The following DNM3 variants were observed in gnomAD, a reference collection of about 807,000 sequenced individuals.
The protein encoded by DNM3 is dynamin-3.
DNM3 carries 47 observed loss-of-function variants against 101.6 expected under a neutral mutation model. The ratio of observed to expected loss-of-function variants is 0.46; its 90% CI spans 0.37 to 0.59. DNM3 has a LOEUF of 0.59. Ranked by LOEUF, DNM3 falls within the 20% of genes least tolerant of loss-of-function variation. The probability of loss-of-function intolerance (pLI) is 0.00; values close to 1 mark genes in which losing one functional copy is unlikely to be tolerated. For synonymous variants in DNM3, 385 were observed against 387.9 expected (o/e 0.99, Z 0.09); for missense variants, 849 against 1,085.7 (o/e 0.78, Z 3.06).
chr1:172,163,386 A>G (rs12561946), intron 14 of DNM3, among the ~76,000 whole-genome samples: 86,260 of 151,498 alleles, frequency 0.57, 24,863 homozygotes, highest in African/African-American at 0.66. Context: ...CTACAGGTGC[A>G]TGCCACCATG....
At chr1:172,417,633 C>A (rs1484549606), downstream of DNM3, among the ~76,000 whole-genome samples, 1 of 152,212 alleles carries the variant, frequency 6.6e-6, no homozygotes, top group East Asian at 1.9e-4. Flanking sequence ...CAGACCTTGC[C>A]TCCTAGTTTC....
chr1:172,139,156 AAAG>A, intron 14 of DNM3: 4 of 315,766 alleles, frequency 1.3e-5, no homozygotes, highest in South Asian at 9.9e-5. Flanking sequence ...TTAAGGAAAA[AAAG>A]AGATTAAACA....
chr1:172,239,091 G>A lies in DNM3; in HGVS notation c.1660-14482G>A, dbSNP rs200202617. Among the ~76,000 whole-genome samples, 27 of 152,198 alleles carry A rather than the reference G, an allele frequency of 1.8e-4. No homozygotes were observed. In the East Asian group the frequency reaches 5.0e-3, roughly 28 times the overall value. On this transcript the variant is annotated intron_variant, in intron 14 of 20. Coordinates refer to ENST00000627582, the MANE Select transcript of DNM3 (RefSeq NM_015569.5). ...GTCACATCTTCCCTCTCTCTATATG[G>A]CTATGGACGCAGTCCCAGAATTCTG...
At chr1:172,243,200 T>G (rs1163773195) in intron 14 of DNM3, among the ~76,000 whole-genome samples, 1 of 152,086 alleles carries the variant, frequency 6.6e-6, no homozygotes, top group Non-Finnish European at 1.5e-5. Flanking sequence ...TTTCTCTAAA[T>G]TTAAGAATAT....
At chr1:171,957,282 C>T (rs1278602436) in intron 2 of DNM3, among the ~76,000 whole-genome samples, 1 of 150,896 alleles carries the variant, frequency 6.6e-6, no homozygotes, top group Non-Finnish European at 1.5e-5. Flanking sequence ...ACTGCAAGCT[C>T]CACCTCCCAG....
In DNM3 at chr1:171,945,066, C is replaced by T. The variant is rs73033716; in HGVS notation, c.235+23245C>T. On this transcript the variant is annotated intron_variant, in intron 2 of 20. Coordinates refer to ENST00000627582, the MANE Select transcript of DNM3 (RefSeq NM_015569.5). ...AAAATTATTATTTGTGAAGGGACCT[C>T]GCTGTGTTGCCCAGGCTGGTCTAGA... Among the ~76,000 whole-genome samples the T allele has an allele frequency of 8.0e-3, 1,216 of 151,506 alleles. 23 individuals carry two copies. The highest frequency in any genetic ancestry group is 0.028 in the African/African-American group (1,147 of 41,300).
At chr1:172,359,915 C>T (rs1409597157) in intron 17 of DNM3, among the ~76,000 whole-genome samples, 1 of 151,984 alleles carries the variant, frequency 6.6e-6, no homozygotes, top group Non-Finnish European at 1.5e-5. Context: ...GACTGGATTC[C>T]TGTTGCACAT....
chr1:172,064,941 T>C (rs1050325747), intron 10 of DNM3, among the ~76,000 whole-genome samples: 4 of 152,224 alleles, frequency 2.6e-5, no homozygotes, highest in Non-Finnish European at 5.9e-5. Context: ...TTGTCTCAAT[T>C]GTAGGTACAA....
At chr1:172,190,663 G>C (rs971655559) in intron 14 of DNM3, among the ~76,000 whole-genome samples, 7 of 151,950 alleles carry the variant, frequency 4.6e-5, no homozygotes, top group Non-Finnish European at 7.4e-5. Flanking sequence ...TTCTCCACAT[G>C]CTCTCCAGCA....
At chr1:172,096,528 T>G (rs12569310) in intron 13 of DNM3, among the ~76,000 whole-genome samples, 2,859 of 152,278 alleles carry the variant, frequency 0.019, 79 homozygotes, top group East Asian at 0.13. Context: ...ATAAATTGGA[T>G]GTCGGAGAGA....
chr1:171,940,313 GT>G (rs750752195), intron 2 of DNM3, among the ~76,000 whole-genome samples: 34 of 152,018 alleles, frequency 2.2e-4, no homozygotes, highest in Non-Finnish European at 4.3e-4. Context: ...TTATCTTTAA[GT>G]TTTTGCATTC....
chr1:172,063,908 A>G (rs2051448739), intron 10 of DNM3, among the ~76,000 whole-genome samples: 1 of 152,178 alleles, frequency 6.6e-6, no homozygotes, highest in Non-Finnish European at 1.5e-5. Flanking sequence ...AAATCCTCAG[A>G]GGACCTCTCA....
intron 1 of DNM3, among the ~76,000 whole-genome samples, chr1:171,851,606 G>A (rs2032976844): frequency 6.6e-6 from 1 of 152,282 alleles, no homozygotes. Context: ...TAGAGACGGG[G>A]TTTCGCTATG....
intron 17 of DNM3, among the ~76,000 whole-genome samples, chr1:172,347,200 C>CT (rs955469462): frequency 6.8e-6 from 1 of 147,538 alleles, no homozygotes. Context: ...AGAAGCCCCC[C>CT]CCGCCAAAAA....
In DNM3 at chr1:172,071,086, CATATATATAT is replaced by C. The variant is rs56255511; in HGVS notation, c.1422+2206_1422+2215del. Reference sequence around the variant, plus strand: ...GCCTGGGTGACAGAGCAAGACCCTGCATATATATATATATATATATATATATATATATATC... The same window carrying C: ...GCCTGGGTGACAGAGCAAGACCCTGCATATATATATATATATATATATATC... On this transcript the variant is annotated intron_variant, in intron 11 of 20. Transcript: ENST00000627582. Among the ~76,000 whole-genome samples the C allele has an allele frequency of 6.3e-4, 41 of 65,082 alleles. 1 individual carries two copies. The highest frequency in any genetic ancestry group is 2.2e-3 in the African/African-American group (29 of 13,026). The allele number at this position is 65,082 out of a possible 152,430, so 42.7% of individuals were successfully genotyped here. A position where few individuals can be genotyped will look rare whatever the true frequency, so the allele number is the denominator to read the frequency against.
chr1:171,974,667 G>C (rs1298777787), intron 2 of DNM3, among the ~76,000 whole-genome samples: 1 of 152,160 alleles, frequency 6.6e-6, no homozygotes, highest in Non-Finnish European at 1.5e-5. Flanking sequence ...TTTACTGAGT[G>C]CTGGCTATTC....
chr1:172,325,951 G>T (rs984672714), intron 17 of DNM3, among the ~76,000 whole-genome samples: 1 of 152,132 alleles, frequency 6.6e-6, no homozygotes, highest in Non-Finnish European at 1.5e-5. Flanking sequence ...ACACACATGT[G>T]CACATATACA....
chr1:172,210,469 G>A (rs2060477144), intron 14 of DNM3, among the ~76,000 whole-genome samples: 1 of 151,894 alleles, frequency 6.6e-6, no homozygotes, highest in Non-Finnish European at 1.5e-5. Flanking sequence ...AGTCCAAGAA[G>A]CACAATGTTT....
At chr1:171,993,498 CTTTTTT>C (rs145178902) in intron 4 of DNM3, among the ~76,000 whole-genome samples, 8 of 128,672 alleles carry the variant, frequency 6.2e-5, no homozygotes, top group African/African-American at 2.4e-4. Context: ...TTTCAAGATT[CTTTTTT>C]TTTTTTTTTT....
Sources: gnomAD v4.1 joint callset for allele counts (sites outside exome capture counted in the v4.1 genomes callset) on GRCh38, gnomAD v4.1.1 for gene constraint, MANE v1.5 for transcripts, NCBI Gene and HGNC (gene_info 2026-07-23, HGNC 2026-07-21) for gene names.